The following ROBO1 variants were observed in gnomAD, a reference collection of about 807,000 sequenced individuals.
ROBO1 encodes roundabout guidance receptor 1.
A neutral mutation model predicts 195.9 loss-of-function variants in ROBO1; 149 were observed. The observed-to-expected ratio is 0.76, with a 90% CI of 0.67 to 0.87. ROBO1 has a LOEUF of 0.87. Among genes scored for constraint, ROBO1 ranks in the 40% least tolerant of loss-of-function variants. ROBO1 has a pLI of 0.00. For missense variants in ROBO1, 1,933 were observed against 2,068.3 expected, an observed-to-expected ratio of 0.93 and a Z score of 1.27; for synonymous variants, 816 against 733.2, an observed-to-expected ratio of 1.11 and a Z score of -1.82.
At chr3:78,748,012 C>T (rs1279911188) in intron 4 of ROBO1, among the ~76,000 whole-genome samples, 1 of 152,120 alleles carries the variant, frequency 6.6e-6, no homozygotes, top group Non-Finnish European at 1.5e-5. Flanking sequence ...AGTTATCATT[C>T]CTCCACCCTG....
At chr3:78,862,653 C>G (rs2034924510) in intron 4 of ROBO1, among the ~76,000 whole-genome samples, 1 of 152,086 alleles carries the variant, frequency 6.6e-6, no homozygotes, top group Non-Finnish European at 1.5e-5. Context: ...ATTGATTAAT[C>G]CATGAAAAGT....
At chr3:79,298,291 C>A (rs546543404) in intron 2 of ROBO1, among the ~76,000 whole-genome samples, 3 of 152,150 alleles carry the variant, frequency 2.0e-5, no homozygotes, top group African/African-American at 7.2e-5. Context: ...TTTAAAGGTA[C>A]GTTTCTCTCC....
At chr3:79,467,379 G>C (rs1938018716) in intron 2 of ROBO1, among the ~76,000 whole-genome samples, 1 of 151,672 alleles carries the variant, frequency 6.6e-6, no homozygotes, top group South Asian at 2.1e-4. Flanking sequence ...AGACATTCCT[G>C]TTTTTGTGCC....
chr3:79,709,920 C>G (rs1408597239), intron 1 of ROBO1, among the ~76,000 whole-genome samples: 1 of 152,142 alleles, frequency 6.6e-6, no homozygotes, highest in Non-Finnish European at 1.5e-5. Flanking sequence ...TCTGCCCTCA[C>G]CAGGCACAGA....
At chr3:79,511,393 A>G (rs566310051) in intron 2 of ROBO1, among the ~76,000 whole-genome samples, 1 of 152,284 alleles carries the variant, frequency 6.6e-6, no homozygotes, top group Non-Finnish European at 1.5e-5. Flanking sequence ...GGATGGATAT[A>G]TTAGTAAATT....
intron 1 of ROBO1, among the ~76,000 whole-genome samples, chr3:79,764,274 T>C (rs185130220): frequency 3.3e-5 from 5 of 152,350 alleles, no homozygotes; most frequent in Admixed American, 1.3e-4. Flanking sequence ...TTGGCACTAA[T>C]ATATTTTAGG....
chr3:78,929,534 G>A (rs187889715), intron 4 of ROBO1, among the ~76,000 whole-genome samples: 35 of 150,498 alleles, frequency 2.3e-4, no homozygotes, highest in Admixed American at 4.0e-4. Flanking sequence ...ATGGAGTCTC[G>A]CTCTATTGCC....
chr3:79,567,544 G>T (rs1943129787), intron 2 of ROBO1, among the ~76,000 whole-genome samples: 1 of 151,950 alleles, frequency 6.6e-6, no homozygotes, highest in Non-Finnish European at 1.5e-5. Context: ...TGTCTTCCTG[G>T]TATTAATTAT....
At chr3:79,018,406 C>T in intron 3 of ROBO1, 1 of 1,613,824 alleles carries the variant, frequency 6.2e-7, no homozygotes, top group Non-Finnish European at 8.5e-7. Context: ...CGCGGGGTTA[C>T]CTGAACAGAG....
intron 8 of ROBO1, among the ~76,000 whole-genome samples, chr3:78,698,105 T>C (rs1177890187): frequency 3.9e-5 from 6 of 152,158 alleles, no homozygotes; most frequent in Admixed American, 2.0e-4. Context: ...TCTGATACAC[T>C]AGAATTGTAA....
At chr3:79,154,264 A>G (rs2080821344) in intron 2 of ROBO1, among the ~76,000 whole-genome samples, 1 of 151,790 alleles carries the variant, frequency 6.6e-6, no homozygotes, top group Non-Finnish European at 1.5e-5. Context: ...ATCTTGGTTA[A>G]TGCTCATTCC....
At chr3:79,313,823 C>T (rs1469196823) in intron 2 of ROBO1, among the ~76,000 whole-genome samples, 2 of 152,082 alleles carry the variant, frequency 1.3e-5, no homozygotes, top group South Asian at 2.1e-4. Context: ...TTTAAAAAGG[C>T]TTTTATGCTA....
intron 2 of ROBO1, among the ~76,000 whole-genome samples, chr3:79,587,228 G>GA (rs201891910): frequency 0.019 from 2,828 of 147,544 alleles, 44 homozygotes; most frequent in Non-Finnish European, 0.031. Context: ...AATGAAAAAT[G>GA]AAAAAAAAAA....
At chr3:79,247,240 A>G (rs2108898050) in intron 2 of ROBO1, among the ~76,000 whole-genome samples, 1 of 150,392 alleles carries the variant, frequency 6.6e-6, no homozygotes, top group Admixed American at 6.7e-5. Context: ...CTCTATGAAC[A>G]AACAGTTAAA....
intron 4 of ROBO1, among the ~76,000 whole-genome samples, chr3:78,887,697 C>T (rs934512663): frequency 6.6e-6 from 1 of 152,122 alleles, no homozygotes; most frequent in Non-Finnish European, 1.5e-5. Context: ...CATCTACTAA[C>T]GAAGGGGTGT....
chr3:79,010,303 C>G (rs1559587809), intron 3 of ROBO1, among the ~76,000 whole-genome samples: 1 of 152,008 alleles, frequency 6.6e-6, no homozygotes, highest in Non-Finnish European at 1.5e-5. Flanking sequence ...CTTTTATGTC[C>G]TCACTCTACT....
intron 3 of ROBO1, among the ~76,000 whole-genome samples, chr3:79,088,301 T>C (rs571652241): frequency 5.8e-4 from 89 of 152,292 alleles, no homozygotes; most frequent in African/African-American, 1.9e-3. Flanking sequence ...ATAAAAGTGA[T>C]GTAGCGTTTA....
chr3:79,562,173 A>G (rs537778266), intron 2 of ROBO1, among the ~76,000 whole-genome samples: 1 of 152,122 alleles, frequency 6.6e-6, no homozygotes, highest in African/African-American at 2.4e-5. Flanking sequence ...TATATAGTCT[A>G]TGAACTATGT....
chr3:79,689,644 T>C (rs1422100726), intron 1 of ROBO1, among the ~76,000 whole-genome samples: 4 of 151,948 alleles, frequency 2.6e-5, no homozygotes, highest in Admixed American at 6.6e-5. Flanking sequence ...AGACTAAAAT[T>C]AGTTAAATAG....
Sources: allele counts gnomAD v4.1 joint callset (sites outside exome capture counted in the v4.1 genomes callset), GRCh38; gene constraint gnomAD v4.1.1; transcripts MANE v1.5; gene names NCBI Gene and HGNC (gene_info 2026-07-23, HGNC 2026-07-21).